Variants in PCDH9 observed in about 807,000 individuals in gnomAD.
PCDH9 encodes protocadherin 9.
In PCDH9, 24 loss-of-function variants were observed where a neutral mutation model predicts 70.6. The ratio of observed to expected loss-of-function variants is 0.34; its 90% CI spans 0.25 to 0.48. PCDH9 has a LOEUF of 0.48. Among genes scored for constraint, PCDH9 ranks in the 20% least tolerant of loss-of-function variants. The pLI is 0.99. For missense variants in PCDH9, 1,281 were observed against 1,503.6 expected (o/e 0.85, Z 2.45); for synonymous variants, 562 against 558.5 (o/e 1.01, Z -0.09).
chr13:66,794,810 C>T (rs576776693), intron 3 of PCDH9, among the ~76,000 whole-genome samples: 2 of 152,128 alleles, frequency 1.3e-5, no homozygotes, highest in Admixed American at 1.3e-4. Context: ...CTGTTATTAC[C>T]ATTTTTGGTT....
rs758928616 is a variant in PCDH9 at position 66,730,876 on chromosome 13, G to GT, written c.3139-99466dup. ...TGTTTTTGTTTTTTTGTGTGTGTGT[G>GT]TTTTTTTTTTGTTTGTTTCTTTTTT... On this transcript the variant is annotated intron_variant, in intron 3 of 4. Coordinates refer to ENST00000377865, the MANE Select transcript of PCDH9 (RefSeq NM_203487.3). 8.6e-3 allele frequency among the ~76,000 whole-genome samples: 398 copies of GT among 46,344 alleles called. 13 individuals are homozygous for GT. Among genetic ancestry groups the GT allele is most frequent in the African/African-American group, 0.012 (163 of 13,274 alleles). The allele number at this position is 46,344 out of a possible 152,430, so 30.4% of individuals were successfully genotyped here.
chr13:66,514,570 A>G (rs777742390), intron 4 of PCDH9, among the ~76,000 whole-genome samples: 3 of 152,078 alleles, frequency 2.0e-5, no homozygotes, highest in Non-Finnish European at 4.4e-5. Flanking sequence ...TTTATGTTAA[A>G]AAATTTAAGT....
chr13:66,854,254 T>G (rs982636113), intron 3 of PCDH9, among the ~76,000 whole-genome samples: 1 of 152,160 alleles, frequency 6.6e-6, no homozygotes. Context: ...CTTTTCTTTG[T>G]CTGTAAAACA....
intron 3 of PCDH9, chr13:66,885,922 G>A (rs1475766405): frequency 3.3e-5 from 5 of 151,970 alleles, no homozygotes; most frequent in Non-Finnish European, 7.4e-5. Context: ...TTTTTCCTCC[G>A]TGTTTTCCAT....
intron 2 of PCDH9, among the ~76,000 whole-genome samples, chr13:67,161,124 A>T (rs2087947464): frequency 6.6e-6 from 1 of 152,338 alleles, no homozygotes. Context: ...AGGTGTCTGG[A>T]GGAAACCATT....
At chr13:66,795,719 A>G (rs2080230315) in intron 3 of PCDH9, among the ~76,000 whole-genome samples, 3 of 152,200 alleles carry the variant, frequency 2.0e-5, no homozygotes, top group Admixed American at 2.0e-4. Context: ...TTTTGCAAAG[A>G]TGGTAAAACA....
chr13:67,103,730 C>T (rs1381488993), intron 2 of PCDH9, among the ~76,000 whole-genome samples: 1 of 152,094 alleles, frequency 6.6e-6, no homozygotes, highest in Non-Finnish European at 1.5e-5. Flanking sequence ...TTAGCTTGTA[C>T]TCACAGAATA....
At chr13:66,326,441 C>T (rs562846946) in intron 4 of PCDH9, among the ~76,000 whole-genome samples, 2 of 151,620 alleles carry the variant, frequency 1.3e-5, no homozygotes, top group African/African-American at 2.4e-5. Flanking sequence ...AAAAACACAC[C>T]AGAGTCTTGC....
At chr13:66,429,291 G>GA (rs368100749) in intron 4 of PCDH9, among the ~76,000 whole-genome samples, 2 of 151,450 alleles carry the variant, frequency 1.3e-5, no homozygotes, top group Non-Finnish European at 3.0e-5. Context: ...TCAGTGTATA[G>GA]AAAAAAACAA....
intron 3 of PCDH9, among the ~76,000 whole-genome samples, chr13:66,868,798 G>A (rs749296529): frequency 6.6e-6 from 1 of 152,116 alleles, no homozygotes; most frequent in Non-Finnish European, 1.5e-5. Context: ...AAAATTAGTT[G>A]TATATCAGAC....
chr13:66,531,481 T>C (rs997296398), intron 4 of PCDH9, among the ~76,000 whole-genome samples: 6 of 152,104 alleles, frequency 3.9e-5, no homozygotes, highest in Non-Finnish European at 5.9e-5. Flanking sequence ...ACGGATAGTA[T>C]GTTACGAAAG....
chr13:66,829,654 C>T (rs1203733367), intron 3 of PCDH9, among the ~76,000 whole-genome samples: 1 of 131,620 alleles, frequency 7.6e-6, no homozygotes, highest in Non-Finnish European at 1.5e-5. Context: ...GGAGGCGGAG[C>T]TTGCAGTGAG....
chr13:67,174,285 T>C (rs2088380152), intron 2 of PCDH9, among the ~76,000 whole-genome samples: 1 of 151,324 alleles, frequency 6.6e-6, no homozygotes, highest in South Asian at 2.1e-4. Context: ...GATAGCTAGA[T>C]AGACAGATGA....
chr13:66,658,325 T>A (rs2077960457), intron 3 of PCDH9, among the ~76,000 whole-genome samples: 1 of 152,174 alleles, frequency 6.6e-6, no homozygotes, highest in African/African-American at 2.4e-5. Context: ...AAAAACACAT[T>A]TATTTTAGGT....
intron 3 of PCDH9, among the ~76,000 whole-genome samples, chr13:66,807,463 C>A (rs1238319893): frequency 6.6e-6 from 1 of 152,116 alleles, no homozygotes; most frequent in Non-Finnish European, 1.5e-5. Context: ...TAAGAACTTG[C>A]AGCTGGGATC....
chr13:66,729,083 G>A (rs753732348), intron 3 of PCDH9, among the ~76,000 whole-genome samples: 4 of 151,996 alleles, frequency 2.6e-5, no homozygotes, highest in Non-Finnish European at 4.4e-5. Context: ...CATAGACATG[G>A]ATATCTATGA....
chr13:67,147,141 T>C (rs1040495161), intron 2 of PCDH9, among the ~76,000 whole-genome samples: 6 of 152,312 alleles, frequency 3.9e-5, no homozygotes, highest in African/African-American at 1.4e-4. Context: ...TTACAGTTCA[T>C]CTGAAAAGAC....
chr13:66,490,357 T>A (rs752510951), intron 4 of PCDH9, among the ~76,000 whole-genome samples: 5 of 152,312 alleles, frequency 3.3e-5, no homozygotes, highest in Non-Finnish European at 7.4e-5. Flanking sequence ...ACCTGAACAC[T>A]GTTATACCGG....
chr13:66,790,491 T>G (rs988024591), intron 3 of PCDH9, among the ~76,000 whole-genome samples: 2 of 152,134 alleles, frequency 1.3e-5, no homozygotes, highest in African/African-American at 2.4e-5. Context: ...TTTATAAAAT[T>G]TCCTGTCTAT....
Sources: allele counts gnomAD v4.1 joint callset (sites outside exome capture counted in the v4.1 genomes callset), GRCh38; gene constraint gnomAD v4.1.1; transcripts MANE v1.5; gene names NCBI Gene and HGNC (gene_info 2026-07-23, HGNC 2026-07-21).